PPP1R9A: variants seen among roughly 807,000 people sequenced by gnomAD.
The protein encoded by PPP1R9A is protein phosphatase 1 regulatory subunit 9A, also known as neurabin-1.
A neutral mutation model predicts 141.9 loss-of-function variants in PPP1R9A; 59 were observed. That is an observed-to-expected ratio of 0.42 (90% CI 0.34 to 0.52). PPP1R9A has a LOEUF of 0.52. Ranked by LOEUF, PPP1R9A falls within the 20% of genes least tolerant of loss-of-function variation. PPP1R9A has a pLI of 0.10. For missense variants in PPP1R9A, 1,444 were observed against 1,611.9 expected, an observed-to-expected ratio of 0.90 and a Z score of 1.78; for synonymous variants, 500 against 569.7, an observed-to-expected ratio of 0.88 and a Z score of 1.74.
At chr7:95,020,454 G>GTTAT (rs975572067) in intron 2 of PPP1R9A, among the ~76,000 whole-genome samples, 5 of 151,900 alleles carry the variant, frequency 3.3e-5, no homozygotes, top group Admixed American at 1.3e-4. Context: ...CATTTTTGTT[G>GTTAT]TTATTTATTT....
In PPP1R9A at chr7:94,956,442, G is replaced by A. The variant is rs918821499; in HGVS notation, c.1395+44934G>A. On this transcript the variant is annotated intron_variant, in intron 2 of 19. Transcript: ENST00000433360. Reference sequence around the variant, plus strand: ...TCTATTTAATTTATCTAAACAAATGGATTATTTTCCTACAGTACTGAAATA... The same window carrying A: ...TCTATTTAATTTATCTAAACAAATGAATTATTTTCCTACAGTACTGAAATA... Among the ~76,000 whole-genome samples, 7 of 151,940 alleles carry A rather than the reference G, an allele frequency of 4.6e-5. No homozygotes were observed. In the East Asian group the frequency reaches 1.4e-3, roughly 29 times the overall value.
At chr7:95,099,030 G>T (rs531821162) in intron 2 of PPP1R9A, among the ~76,000 whole-genome samples, 2 of 152,276 alleles carry the variant, frequency 1.3e-5, no homozygotes, top group East Asian at 3.9e-4. Context: ...CATACACCTT[G>T]TATTGGTCCT....
intron 2 of PPP1R9A, among the ~76,000 whole-genome samples, chr7:95,015,239 C>A (rs1205013755): frequency 6.7e-6 from 1 of 149,990 alleles, no homozygotes; most frequent in Admixed American, 6.8e-5. Flanking sequence ...CACACACACA[C>A]ACACACACAT....
intron 5 of PPP1R9A, among the ~76,000 whole-genome samples, chr7:95,162,532 A>G (rs867494319): frequency 6.6e-6 from 1 of 152,202 alleles, no homozygotes; most frequent in African/African-American, 2.4e-5. Flanking sequence ...ATATTGGAAA[A>G]CAAGTAAGAA....
chr7:94,941,650 TA>T (rs1446000317), intron 2 of PPP1R9A, among the ~76,000 whole-genome samples: 1 of 152,048 alleles, frequency 6.6e-6, no homozygotes, highest in Non-Finnish European at 1.5e-5. Flanking sequence ...TTCTCAAAAT[TA>T]AAAGCCACTC....
intron 3 of PPP1R9A, among the ~76,000 whole-genome samples, chr7:95,115,818 G>A (rs1477707792): frequency 6.6e-6 from 1 of 151,458 alleles, no homozygotes; most frequent in African/African-American, 2.4e-5. Flanking sequence ...TCAGGAGGCT[G>A]AGGCAGAAGA....
chr7:95,231,578 T>C (rs1795961028), intron 8 of PPP1R9A, among the ~76,000 whole-genome samples: 1 of 152,070 alleles, frequency 6.6e-6, no homozygotes, highest in Non-Finnish European at 1.5e-5. Context: ...AAATTGGAAA[T>C]CAACTCTGAA....
chr7:95,023,250 T>C (rs968001055), intron 2 of PPP1R9A, among the ~76,000 whole-genome samples: 3 of 152,226 alleles, frequency 2.0e-5, no homozygotes, highest in Admixed American at 6.5e-5. Context: ...TTCTAGATTT[T>C]CTAGTTTATT....
At chr7:95,061,215 C>T (rs1812187023) in intron 2 of PPP1R9A, among the ~76,000 whole-genome samples, 2 of 152,162 alleles carry the variant, frequency 1.3e-5, no homozygotes, top group Admixed American at 1.3e-4. Flanking sequence ...TGGGCTTGTA[C>T]TGGGACTCAA....
At chr7:95,218,104 AT>A (rs1483632782) in intron 7 of PPP1R9A, among the ~76,000 whole-genome samples, 1 of 152,138 alleles carries the variant, frequency 6.6e-6, no homozygotes, top group Non-Finnish European at 1.5e-5. Context: ...TCTTGTGGGC[AT>A]TTAGTGCTAT....
intron 2 of PPP1R9A, among the ~76,000 whole-genome samples, chr7:95,000,875 T>A (rs1174763660): frequency 6.6e-6 from 1 of 152,198 alleles, no homozygotes; most frequent in Non-Finnish European, 1.5e-5. Flanking sequence ...AACGCAGAAT[T>A]GACTTGCAAT....
intron 5 of PPP1R9A, among the ~76,000 whole-genome samples, chr7:95,163,282 A>G (rs1411822325): frequency 2.0e-5 from 3 of 152,162 alleles, no homozygotes; most frequent in African/African-American, 7.2e-5. Context: ...GCCTTGTACA[A>G]ATTTCAAAAG....
chr7:95,030,187 A>C (rs771094411), intron 2 of PPP1R9A, among the ~76,000 whole-genome samples: 1 of 152,226 alleles, frequency 6.6e-6, no homozygotes, highest in African/African-American at 2.4e-5. Flanking sequence ...TGAGAGCATC[A>C]ATATCCTCAT....
At chr7:95,186,664 G>A (rs1834702117) in intron 5 of PPP1R9A, among the ~76,000 whole-genome samples, 1 of 152,006 alleles carries the variant, frequency 6.6e-6, no homozygotes, top group South Asian at 2.1e-4. Context: ...TGTCATAGAT[G>A]GCTTTTATTA....
chr7:94,968,131 T>C (rs1021170804), intron 2 of PPP1R9A, among the ~76,000 whole-genome samples: 2 of 152,208 alleles, frequency 1.3e-5, no homozygotes, highest in African/African-American at 4.8e-5. Context: ...TAGTTAGCTC[T>C]TCTTGTCGCA....
chr7:95,146,763 C>G (rs1827697945), intron 4 of PPP1R9A, among the ~76,000 whole-genome samples: 1 of 152,108 alleles, frequency 6.6e-6, no homozygotes, highest in South Asian at 2.1e-4. Context: ...AATCCTTTCC[C>G]CATTGGTTGT....
At chr7:95,052,643 T>C (rs1005246779) in intron 2 of PPP1R9A, among the ~76,000 whole-genome samples, 1 of 152,204 alleles carries the variant, frequency 6.6e-6, no homozygotes, top group African/African-American at 2.4e-5. Flanking sequence ...AATTTTATAA[T>C]GTTAAGTCAT....
intron 2 of PPP1R9A, among the ~76,000 whole-genome samples, chr7:95,071,771 T>A (rs6969873): frequency 0.33 from 50,034 of 151,874 alleles, 9,669 homozygotes; most frequent in Non-Finnish European, 0.44. Flanking sequence ...TATAAAAGCA[T>A]GTTTGTTTTA....
intron 3 of PPP1R9A, among the ~76,000 whole-genome samples, chr7:95,118,040 A>G (rs549222631): frequency 1.8e-4 from 27 of 152,258 alleles, no homozygotes; most frequent in South Asian, 1.7e-3. Flanking sequence ...TTCTTGAGAA[A>G]CCCTATGAAT....
Sources: gnomAD v4.1 joint callset for allele counts (sites outside exome capture counted in the v4.1 genomes callset) on GRCh38, gnomAD v4.1.1 for gene constraint, MANE v1.5 for transcripts, NCBI Gene and HGNC (gene_info 2026-07-23, HGNC 2026-07-21) for gene names.